DSCAM: variants seen among roughly 807,000 people sequenced by gnomAD.
DSCAM encodes cell adhesion molecule DSCAM.
Under a neutral mutation model 217.7 loss-of-function variants are expected in DSCAM, and 47 were observed. The ratio of observed to expected loss-of-function variants is 0.22; its 90% CI spans 0.17 to 0.28. The LOEUF is 0.28. Among genes scored for constraint, DSCAM ranks in the 10% least tolerant of loss-of-function variants. The pLI is 1.00. For missense variants in DSCAM, 2,080 were observed against 2,618.3 expected (o/e 0.79, Z 4.49); for synonymous variants, 1,056 against 1,015.3 (o/e 1.04, Z -0.76).
At chr21:40,563,982 G>A (rs556422561) in intron 3 of DSCAM, among the ~76,000 whole-genome samples, 11 of 152,316 alleles carry the variant, frequency 7.2e-5, no homozygotes, top group African/African-American at 2.2e-4. Context: ...GAGCAGAGCT[G>A]TGAGCAAGGC....
intron 1 of DSCAM, among the ~76,000 whole-genome samples, chr21:40,720,274 C>T (rs1251203035): frequency 6.6e-6 from 1 of 152,132 alleles, no homozygotes; most frequent in African/African-American, 2.4e-5. Flanking sequence ...ATAACTTAGC[C>T]TTAGGTAAAC....
intron 3 of DSCAM, among the ~76,000 whole-genome samples, chr21:40,370,012 A>G (rs752970725): frequency 6.6e-6 from 1 of 152,176 alleles, no homozygotes; most frequent in African/African-American, 2.4e-5. Flanking sequence ...TGTAACCTCT[A>G]ATTTTTACCG....
chr21:40,737,140 T>G (rs1408184322), intron 1 of DSCAM, among the ~76,000 whole-genome samples: 1 of 152,216 alleles, frequency 6.6e-6, no homozygotes, highest in Admixed American at 6.5e-5. Flanking sequence ...AATTTCTTAT[T>G]TTTACTAATG....
chr21:40,190,673 A>T (rs150704680), intron 11 of DSCAM, among the ~76,000 whole-genome samples: 30 of 152,340 alleles, frequency 2.0e-4, no homozygotes, highest in Non-Finnish European at 8.8e-5. Context: ...CCGTAATTTG[A>T]TAATGGCCTG....
intron 3 of DSCAM, among the ~76,000 whole-genome samples, chr21:40,438,341 G>C (rs921373823): frequency 1.3e-5 from 2 of 152,088 alleles, no homozygotes; most frequent in Non-Finnish European, 2.9e-5. Context: ...TGTTAATCTT[G>C]GTATCTTGGA....
intron 3 of DSCAM, among the ~76,000 whole-genome samples, chr21:40,605,777 GC>G (rs2089227161): frequency 7.7e-6 from 1 of 130,290 alleles, no homozygotes; most frequent in Admixed American, 8.0e-5. Context: ...TTATATATGT[GC>G]TTAATGCACA....
chr21:40,342,341 TTTTC>T (rs2074501739), intron 6 of DSCAM, among the ~76,000 whole-genome samples: 1 of 152,032 alleles, frequency 6.6e-6, no homozygotes, highest in Non-Finnish European at 1.5e-5. Flanking sequence ...GTGGTTGCCT[TTTTC>T]TTTTCTTAAT....
intron 3 of DSCAM, among the ~76,000 whole-genome samples, chr21:40,483,760 T>C (rs1028205182): frequency 6.6e-6 from 1 of 152,184 alleles, no homozygotes; most frequent in Non-Finnish European, 1.5e-5. Context: ...TGCCTAGTTC[T>C]TCTCATTTTA....
At chr21:40,602,813 G>A (rs34625557) in intron 3 of DSCAM, among the ~76,000 whole-genome samples, 8,769 of 151,854 alleles carry the variant, frequency 0.058, 355 homozygotes, top group South Asian at 0.15. Flanking sequence ...CTGGTTTCCT[G>A]GTCTCAATGT....
intron 4 of DSCAM, among the ~76,000 whole-genome samples, chr21:40,364,391 AG>A: frequency 6.6e-6 from 1 of 152,082 alleles, no homozygotes; most frequent in African/African-American, 2.4e-5. Flanking sequence ...ACATAGATGA[AG>A]CTGGAAACCA....
At chr21:40,362,436 CTCTT>C (rs1190374894) in intron 4 of DSCAM, among the ~76,000 whole-genome samples, 3 of 152,306 alleles carry the variant, frequency 2.0e-5, no homozygotes, top group East Asian at 1.9e-4. Flanking sequence ...CAACCTCTCT[CTCTT>C]TGAGAGGGGT....
At chr21:40,603,318 T>TATGA (rs911631349) in intron 3 of DSCAM, among the ~76,000 whole-genome samples, 1 of 152,200 alleles carries the variant, frequency 6.6e-6, no homozygotes, top group Non-Finnish European at 1.5e-5. Context: ...TGAAGTATTC[T>TATGA]ATGAATGTAA....
chr21:40,328,010 A>G (rs994632410), intron 8 of DSCAM, among the ~76,000 whole-genome samples: 1 of 152,182 alleles, frequency 6.6e-6, no homozygotes, highest in Non-Finnish European at 1.5e-5. Flanking sequence ...AAATAAATGG[A>G]AACATAACTT....
Position 40,592,936 on chromosome 21 carries a change from T to C in DSCAM, c.508+99874A>G, listed in dbSNP as rs150426286. ...TGTTGAGCTAATGAATTGCAGATAT[T>C]GTACCAGTGATTAAATGGAAACGAG... is the stretch of plus-strand genomic sequence containing the variant. On this transcript the variant is annotated intron_variant, in intron 3 of 32. Transcript: ENST00000400454. Among the ~76,000 whole-genome samples the C allele has an allele frequency of 2.5e-3, 387 of 152,346 alleles. 5 individuals are homozygous for C. In the Middle Eastern group the frequency reaches 0.031, roughly 12 times the overall value.
At chr21:40,481,050 C>T (rs2075977917) in intron 3 of DSCAM, among the ~76,000 whole-genome samples, 1 of 152,218 alleles carries the variant, frequency 6.6e-6, no homozygotes, top group Non-Finnish European at 1.5e-5. Flanking sequence ...AGATGCGGCC[C>T]TTTGACCTTG....
intron 3 of DSCAM, among the ~76,000 whole-genome samples, chr21:40,660,397 T>C (rs911323032): frequency 1.3e-5 from 2 of 152,162 alleles, no homozygotes; most frequent in African/African-American, 4.8e-5. Context: ...CCAGAAGTTA[T>C]AGAAATTTAT....
chr21:40,556,465 G>A (rs2076672600), intron 3 of DSCAM, among the ~76,000 whole-genome samples: 1 of 152,158 alleles, frequency 6.6e-6, no homozygotes, highest in Admixed American at 6.5e-5. Flanking sequence ...AGTCTATTTT[G>A]TATTGCTATG....
intron 3 of DSCAM, among the ~76,000 whole-genome samples, chr21:40,659,317 A>T (rs554334027): frequency 6.6e-6 from 1 of 152,244 alleles, no homozygotes; most frequent in African/African-American, 2.4e-5. Flanking sequence ...ACACTTTAAA[A>T]CATCCTCTGT....
At chr21:40,282,369 C>T (rs1478289303) in intron 10 of DSCAM, among the ~76,000 whole-genome samples, 1 of 151,646 alleles carries the variant, frequency 6.6e-6, no homozygotes, top group African/African-American at 2.4e-5. Context: ...GGGTGGATCA[C>T]GAGGTCAGGA....
Sources: allele counts gnomAD v4.1 joint callset (sites outside exome capture counted in the v4.1 genomes callset), GRCh38; gene constraint gnomAD v4.1.1; transcripts MANE v1.5; gene names NCBI Gene and HGNC (gene_info 2026-07-23, HGNC 2026-07-21).